The following STON1 variants were observed in gnomAD, a reference collection of about 807,000 sequenced individuals.
STON1 encodes stonin 1.
A neutral mutation model predicts 60.9 loss-of-function variants in STON1; 79 were observed. The observed-to-expected ratio is 1.30, with a 90% CI of 1.08 to 1.56. The LOEUF (loss-of-function observed/expected upper bound fraction) is 1.56. Among genes scored for constraint, STON1 ranks in the 40% most tolerant of loss-of-function variants. STON1 has a pLI of 0.00. For missense variants in STON1, 1,166 were observed against 858.9 expected, an observed-to-expected ratio of 1.36 and a Z score of -4.47; for synonymous variants, 363 against 306.9, an observed-to-expected ratio of 1.18 and a Z score of -1.91.
chr2:48,538,008 C>T (rs1488482101), intron 1 of STON1, among the ~76,000 whole-genome samples: 1 of 150,770 alleles, frequency 6.6e-6, no homozygotes, highest in Non-Finnish European at 1.5e-5. Context: ...GGCTAGAGTG[C>T]GGTGGCATGA....
intron 2 of STON1, among the ~76,000 whole-genome samples, chr2:48,588,464 C>T (rs540385632): frequency 1.3e-5 from 2 of 152,294 alleles, no homozygotes; most frequent in South Asian, 4.1e-4. Flanking sequence ...CATCCTCCCA[C>T]CTCAGCCTCC....
chr2:48,588,368 C>A (rs1674330394), intron 2 of STON1, among the ~76,000 whole-genome samples: 1 of 152,154 alleles, frequency 6.6e-6, no homozygotes. Flanking sequence ...TGAAAAGATA[C>A]TTCGAAAATG....
chr2:48,530,304 T>C (rs1308685689), intron 1 of STON1, 88 bp downstream of exon 1: 1 of 325,858 alleles, frequency 3.1e-6, no homozygotes, highest in Non-Finnish European at 5.9e-6. Flanking sequence ...TGGGAAAGTT[T>C]GCGGGCGCCC....
intron 2 of STON1, among the ~76,000 whole-genome samples, chr2:48,586,105 T>A (rs763864140): frequency 2.0e-5 from 3 of 152,232 alleles, no homozygotes; most frequent in Non-Finnish European, 4.4e-5. Context: ...CCACACTTAT[T>A]TTTCAAACTG....
intron 1 of STON1, among the ~76,000 whole-genome samples, chr2:48,550,574 T>TTA (rs1054845823): frequency 9.4e-4 from 139 of 148,088 alleles, no homozygotes; most frequent in African/African-American, 2.4e-3. Flanking sequence ...TATATATATA[T>TTA]TATATATATA....
chr2:48,549,134 C>G (rs147556394), intron 1 of STON1, among the ~76,000 whole-genome samples: 358 of 152,266 alleles, frequency 2.4e-3, no homozygotes, highest in Non-Finnish European at 3.7e-3. Flanking sequence ...GGTCATTGTA[C>G]CAAAAGAATT....
At chr2:48,554,774 AG>A (rs1204349507) in intron 1 of STON1, among the ~76,000 whole-genome samples, 4 of 58,456 alleles carry the variant, frequency 6.8e-5, no homozygotes, top group African/African-American at 1.9e-4. Flanking sequence ...TTTCTCACAG[AG>A]GGGGATTTGG....
rs1348212670 is a variant in STON1, at chr2:48,598,188, G to C, written c.*2886G>C. 6.6e-6 allele frequency: 1 copy of C among 152,118 alleles called. No homozygotes were observed. The highest frequency in any genetic ancestry group is 2.4e-5 in the African/African-American group (1 of 41,418). The allele number at this position is 152,118 out of a possible 1,614,324, so 9.4% of individuals were successfully genotyped here. On this transcript the variant is annotated 3_prime_UTR_variant, in exon 4 of 4. Coordinates refer to ENST00000404752, the MANE Select transcript of STON1 (RefSeq NM_006873.4). ...TTTCCTTTTTCTGTGGGAATCACAA[G>C]AGTTTATCCACTAAAAAAAGATATG...
At chr2:48,590,362 C>T (rs1330905532) in intron 2 of STON1, among the ~76,000 whole-genome samples, 6 of 152,036 alleles carry the variant, frequency 3.9e-5, no homozygotes, top group Non-Finnish European at 7.4e-5. Context: ...TTGTATGGAA[C>T]GAAAGGTAAT....
intron 1 of STON1, among the ~76,000 whole-genome samples, chr2:48,536,360 C>T (rs1179291110): frequency 6.6e-6 from 1 of 151,868 alleles, no homozygotes; most frequent in Non-Finnish European, 1.5e-5. Flanking sequence ...CCAGCCTGGC[C>T]AACATGGTAA....
Position 48,582,579 on chromosome 2 carries a change from C to T in STON1, c.1930+16C>T. The T allele has an allele frequency of 6.3e-7, 1 of 1,597,372 alleles. No individual in the cohort carries two copies. Among genetic ancestry groups the T allele is most frequent in the Non-Finnish European group, 8.5e-7 (1 of 1,172,442 alleles). On this transcript the variant is annotated intron_variant, in intron 2 of 3. Coordinates refer to ENST00000404752, the MANE Select transcript of STON1 (RefSeq NM_006873.4). ...AAAAATTCAAGTAAATATTCAACAC[C>T]CCAAGTTTATTTTCATGGGAAATAG...
At chr2:48,536,375 C>G (rs749512152) in intron 1 of STON1, among the ~76,000 whole-genome samples, 37 of 151,724 alleles carry the variant, frequency 2.4e-4, no homozygotes, top group Non-Finnish European at 4.0e-4. Flanking sequence ...TGGTAAAACC[C>G]CATCTTTACT....
At chr2:48,577,594 G>GAA (rs775509008) in intron 1 of STON1, among the ~76,000 whole-genome samples, 111 of 141,294 alleles carry the variant, frequency 7.9e-4, no homozygotes, top group Middle Eastern at 3.3e-3. Flanking sequence ...AAAAAAAAAA[G>GAA]AAAAAAAAAC....
chr2:48,588,057 G>C (rs1488122946), intron 2 of STON1, among the ~76,000 whole-genome samples: 1 of 152,200 alleles, frequency 6.6e-6, no homozygotes, highest in Non-Finnish European at 1.5e-5. Context: ...TTGGAGCAGA[G>C]AGGAAATCTT....
chr2:48,587,341 G>A (rs1674269404), intron 2 of STON1, among the ~76,000 whole-genome samples: 3 of 152,094 alleles, frequency 2.0e-5, no homozygotes, highest in South Asian at 2.1e-4. Flanking sequence ...CACCCAGGCT[G>A]GAGTGCAATG....
At chr2:48,568,443 A>G (rs915936249) in intron 1 of STON1, among the ~76,000 whole-genome samples, 1 of 152,168 alleles carries the variant, frequency 6.6e-6, no homozygotes, top group Non-Finnish European at 1.5e-5. Flanking sequence ...GAAGAAAAGT[A>G]GAGGAAAACT....
At chr2:48,561,574 G>C (rs1672614892) in intron 1 of STON1, among the ~76,000 whole-genome samples, 1 of 152,124 alleles carries the variant, frequency 6.6e-6, no homozygotes, top group South Asian at 2.1e-4. Context: ...TGACATTTTG[G>C]ACTGGAAAAT....
chr2:48,595,395 T>C lies in STON1; in HGVS notation c.*93T>C. ...CTGCTACTGTAGAGTGGAAATGACTTCTGAATAGCGGTTTTAGGACAGGTC... is the reference window on the plus strand; with the variant it reads ...CTGCTACTGTAGAGTGGAAATGACTCCTGAATAGCGGTTTTAGGACAGGTC... On this transcript the variant is annotated 3_prime_UTR_variant, in exon 4 of 4. Coordinates refer to ENST00000404752, the MANE Select transcript of STON1 (RefSeq NM_006873.4). 4 of 1,134,798 alleles carry C rather than the reference T, an allele frequency of 3.5e-6. No homozygotes were observed. Among genetic ancestry groups the C allele is most frequent in the Non-Finnish European group, 5.2e-6 (4 of 767,188 alleles). 70.3% of individuals were successfully genotyped at this position (1,134,798 alleles called of 1,614,324 possible). A position where few individuals can be genotyped will look rare whatever the true frequency, so the allele number is the denominator to read the frequency against.
At position 48,581,522 on chromosome 2, in the gene STON1, A is replaced by AT. The variant is rs773462324; in HGVS notation, c.894dup (p.Leu299SerfsTer14). The AT allele has an allele frequency of 1.9e-6, 3 of 1,614,154 alleles. No homozygotes were observed. Among genetic ancestry groups the AT allele is most frequent in the Non-Finnish European group, 1.7e-6 (2 of 1,180,028 alleles). ...GATGTCTTCCCGGCAATGGGGACCAATTTTTCTGAAAGTTTTGCCTGGAGG... is the reference window on the plus strand; with the variant it reads ...GATGTCTTCCCGGCAATGGGGACCAATTTTTTCTGAAAGTTTTGCCTGGAGG... On this transcript the variant is annotated frameshift_variant, in exon 2 of 4. Transcript: ENST00000404752. LOFTEE classifies it high-confidence loss of function.
Sources: gnomAD v4.1 joint callset for allele counts (sites outside exome capture counted in the v4.1 genomes callset) on GRCh38, gnomAD v4.1.1 for gene constraint, MANE v1.5 for transcripts, NCBI Gene and HGNC (gene_info 2026-07-23, HGNC 2026-07-21) for gene names.